PPP2R3A: variants seen among roughly 807,000 people sequenced by gnomAD.
The protein encoded by PPP2R3A is protein phosphatase 2 regulatory subunit B''alpha.
In PPP2R3A, 80 loss-of-function variants were observed where a neutral mutation model predicts 106.9. The observed-to-expected ratio is 0.75, with a 90% CI of 0.62 to 0.90. The LOEUF (loss-of-function observed/expected upper bound fraction) is 0.90. Among genes scored for constraint, PPP2R3A ranks in the 40% least tolerant of loss-of-function variants. The probability of loss-of-function intolerance (pLI) is 0.00; values close to 1 mark genes in which losing one functional copy is unlikely to be tolerated. For missense variants in PPP2R3A, 1,386 were observed against 1,350.4 expected (o/e 1.03, Z -0.41); for synonymous variants, 483 against 468.3 (o/e 1.03, Z -0.41).
At chr3:136,129,400 T>A (rs1012700585) in intron 13 of PPP2R3A, among the ~76,000 whole-genome samples, 2 of 152,082 alleles carry the variant, frequency 1.3e-5, no homozygotes, top group East Asian at 1.9e-4. Context: ...TCTATGCAAA[T>A]AAACTAGAAT....
intron 2 of PPP2R3A, among the ~76,000 whole-genome samples, chr3:136,016,205 T>A (rs1388784015): frequency 2.0e-5 from 3 of 152,200 alleles, no homozygotes; most frequent in African/African-American, 4.8e-5. Flanking sequence ...TTCAGTTTTC[T>A]TAAGTTACTG....
At chr3:136,076,339 G>A (rs547565694) in intron 6 of PPP2R3A, among the ~76,000 whole-genome samples, 2 of 152,240 alleles carry the variant, frequency 1.3e-5, no homozygotes, top group South Asian at 2.1e-4. Flanking sequence ...TTTTTCTCAA[G>A]ATTAAACATT....
At chr3:136,071,677 C>G (rs962717084) in intron 6 of PPP2R3A, among the ~76,000 whole-genome samples, 5 of 152,310 alleles carry the variant, frequency 3.3e-5, no homozygotes, top group African/African-American at 1.2e-4. Flanking sequence ...CTCCTCTGCT[C>G]AAACCCTGCA....
chr3:136,061,898 G>T (rs1404365519), intron 5 of PPP2R3A, among the ~76,000 whole-genome samples: 1 of 128,626 alleles, frequency 7.8e-6, no homozygotes, highest in Non-Finnish European at 1.5e-5. Flanking sequence ...CTGCACTCCA[G>T]CCTGGGCGAC....
chr3:136,030,770 A>C (rs1346970173), intron 3 of PPP2R3A, among the ~76,000 whole-genome samples: 4 of 119,284 alleles, frequency 3.4e-5, no homozygotes. Flanking sequence ...ACATATATAT[A>C]TATATATATA....
At chr3:136,143,778 G>A (rs554917637) in intron 13 of PPP2R3A, among the ~76,000 whole-genome samples, 3 of 152,210 alleles carry the variant, frequency 2.0e-5, no homozygotes, top group African/African-American at 4.8e-5. Flanking sequence ...GCGACACAGC[G>A]AGACTCCATC....
intron 13 of PPP2R3A, among the ~76,000 whole-genome samples, chr3:136,107,275 T>C (rs1302688829): frequency 6.6e-6 from 1 of 150,692 alleles, no homozygotes; most frequent in Non-Finnish European, 1.5e-5. Flanking sequence ...CAGGCACTAT[T>C]CATATAATAT....
intron 3 of PPP2R3A, among the ~76,000 whole-genome samples, chr3:136,038,409 T>C (rs1013715698): frequency 6.6e-6 from 1 of 152,186 alleles, no homozygotes; most frequent in African/African-American, 2.4e-5. Context: ...TGTATATCCA[T>C]TTTAATAGGA....
At chr3:136,076,783 C>T (rs1936610822) in intron 6 of PPP2R3A, among the ~76,000 whole-genome samples, 1 of 151,930 alleles carries the variant, frequency 6.6e-6, no homozygotes, top group Admixed American at 6.5e-5. Context: ...CCCGTCTCAA[C>T]TAAAAAACAA....
intron 12 of PPP2R3A, among the ~76,000 whole-genome samples, chr3:136,105,646 G>A (rs1937495987): frequency 6.6e-6 from 1 of 151,260 alleles, no homozygotes; most frequent in African/African-American, 2.5e-5. Flanking sequence ...AACAGAGTGA[G>A]ACCCTATCTC....
chr3:136,049,943 G>A (rs1398534688), intron 5 of PPP2R3A, among the ~76,000 whole-genome samples: 1 of 152,096 alleles, frequency 6.6e-6, no homozygotes, highest in African/African-American at 2.4e-5. Context: ...TGCATGGAGA[G>A]CTGCAAAAAA....
intron 1 of PPP2R3A, among the ~76,000 whole-genome samples, chr3:135,984,109 C>T (rs1937574593): frequency 6.6e-6 from 1 of 152,096 alleles, no homozygotes; most frequent in Admixed American, 6.5e-5. Context: ...CCCTCCTTCC[C>T]CTTCTAACTA....
intron 5 of PPP2R3A, chr3:136,055,377 T>C (rs3946444): frequency 0.63 from 598,297 of 956,306 alleles, 194,258 homozygotes; most frequent in African/African-American, 0.9. Flanking sequence ...GGTCCACAGG[T>C]AGGACTTCCT....
In PPP2R3A at chr3:136,145,107, A is replaced by AAAT; in HGVS notation, c.3394_3395insAAT (p.Ile1132delinsLysLeu). On this transcript the variant is annotated protein_altering_variant, in exon 14 of 14. Coordinates refer to ENST00000264977, the MANE Select transcript of PPP2R3A (RefSeq NM_002718.5). ...TGAATTTGGAAACAAAAGCAATAAA[A>AAAT]TATTAAGTGCAAGCCTTCCAGAGAA... is the stretch of plus-strand genomic sequence containing the variant. 2 of 1,613,968 alleles carry AAAT rather than the reference A, an allele frequency of 1.2e-6. No individual in the cohort carries two copies. The highest frequency in any genetic ancestry group is 1.7e-6 in the Non-Finnish European group (2 of 1,179,886).
At chr3:136,116,194 A>G (rs1237666881) in intron 13 of PPP2R3A, among the ~76,000 whole-genome samples, 1 of 152,196 alleles carries the variant, frequency 6.6e-6, no homozygotes, top group Admixed American at 6.5e-5. Context: ...GCAAATGCTG[A>G]GAGATTTTGT....
intron 9 of PPP2R3A, among the ~76,000 whole-genome samples, chr3:136,088,904 G>A (rs1230456545): frequency 3.9e-5 from 6 of 152,190 alleles, no homozygotes; most frequent in South Asian, 2.1e-4. Flanking sequence ...AGAAGTGTCC[G>A]TTCATGTCCT....
chr3:135,971,942 T>C (rs13075579), intron 1 of PPP2R3A, among the ~76,000 whole-genome samples: 21,008 of 152,160 alleles, frequency 0.14, 1,730 homozygotes, highest in Middle Eastern at 0.26. Flanking sequence ...CTGAGTATAG[T>C]TCCTGGATTT....
intron 13 of PPP2R3A, 166 bp downstream of exon 13, chr3:136,106,488 A>C: frequency 1.6e-6 from 1 of 619,842 alleles, no homozygotes; most frequent in Non-Finnish European, 2.8e-6. Flanking sequence ...AGCAATCTTC[A>C]CTCATTTCCT....
chr3:136,105,912 A>T (rs1466097892), intron 12 of PPP2R3A, among the ~76,000 whole-genome samples: 1 of 152,124 alleles, frequency 6.6e-6, no homozygotes, highest in Non-Finnish European at 1.5e-5. Flanking sequence ...GTGAGCCGAG[A>T]TCGTGCCACT....
Sources: gnomAD v4.1 joint callset for allele counts (sites outside exome capture counted in the v4.1 genomes callset) on GRCh38, gnomAD v4.1.1 for gene constraint, MANE v1.5 for transcripts, NCBI Gene and HGNC (gene_info 2026-07-23, HGNC 2026-07-21) for gene names.